The following CCDC50 variants were observed in gnomAD, a reference collection of about 807,000 sequenced individuals.
CCDC50 encodes the protein coiled-coil domain-containing protein 50.
In CCDC50, 54 loss-of-function variants were observed where a neutral mutation model predicts 70.2. The ratio of observed to expected loss-of-function variants is 0.77; its 90% CI spans 0.62 to 0.96. The LOEUF (loss-of-function observed/expected upper bound fraction) is 0.96, where lower values mean the gene tolerates loss of function less well. Among genes scored for constraint, CCDC50 ranks in the 50% least tolerant of loss-of-function variants. CCDC50 has a pLI of 0.00. For synonymous variants in CCDC50, 216 were observed against 198.8 expected (o/e 1.09, Z -0.73); for missense variants, 558 against 578.7 (o/e 0.96, Z 0.37).
chr3:191,378,175 A>G (rs1713183250), intron 6 of CCDC50, among the ~76,000 whole-genome samples: 1 of 152,094 alleles, frequency 6.6e-6, no homozygotes, highest in African/African-American at 2.4e-5. Context: ...TCAAGGGTTT[A>G]AATAAACCAT....
chr3:191,337,595 G>A lies in CCDC50; in HGVS notation c.49+7872G>A, dbSNP rs138988573. ...CCTGACCTCGTGATCCGCCCATCTC[G>A]GCCTCCCAAAGTGCTGGGATTACAA... On this transcript the variant is annotated intron_variant, in intron 1 of 11. Transcript: ENST00000392455. Among the ~76,000 whole-genome samples the A allele has an allele frequency of 1.4e-3, 215 of 151,854 alleles. 1 individual carries two copies. Among genetic ancestry groups the A allele is most frequent in the African/African-American group, 4.8e-3 (199 of 41,368 alleles).
Position 191,379,866 on chromosome 3 carries a change from T to G in CCDC50, c.977-293T>G, listed in dbSNP as rs368443351. On this transcript the variant is annotated intron_variant, in intron 6 of 11. Coordinates refer to ENST00000392455, the MANE Select transcript of CCDC50 (RefSeq NM_178335.3). ...TTTCACTTTGTATTTTTCCAGGGCC[T>G]CACTTGCAACTTCTTACATAAATTT... Among the ~76,000 whole-genome samples the G allele has an allele frequency of 1.5e-3, 232 of 152,250 alleles. 3 individuals carry two copies. The highest frequency in any genetic ancestry group is 5.4e-3 in the African/African-American group (224 of 41,564).
chr3:191,389,543 ATTT>A lies in CCDC50; in HGVS notation c.1372_1374del (p.Phe458del). 1 of 1,614,090 alleles carries A rather than the reference ATTT, an allele frequency of 6.2e-7. No homozygotes were observed. The highest frequency in any genetic ancestry group is 8.5e-7 in the Non-Finnish European group (1 of 1,179,984). On this transcript the variant is annotated inframe_deletion, in exon 11 of 12. Coordinates refer to ENST00000392455, the MANE Select transcript of CCDC50 (RefSeq NM_178335.3). The stretch of plus-strand genomic sequence containing the variant: ...GATGGTGAAGATGCGGATTACACTC[ATTT>A]TACAAACCAGCAGAGTTCCACACGG...
chr3:191,330,326 C>CACACACAG lies in CCDC50; in HGVS notation c.49+606_49+607insCACAGACA, dbSNP rs550009593. 2.8e-3 allele frequency: 411 copies of CACACACAG among 147,770 alleles called. 2 individuals are homozygous for CACACACAG. Among genetic ancestry groups the CACACACAG allele is most frequent in the East Asian group, 0.018 (89 of 4,968 alleles). The allele number at this position is 147,770 out of a possible 1,614,324, so 9.2% of individuals were successfully genotyped here. On this transcript the variant is annotated intron_variant, in intron 1 of 11. Transcript: ENST00000392455. ...ACACACACACACACACACACACACACACAATAGTGAGCGAGGGGAACAGGG... is the reference window on the plus strand; with the variant it reads ...ACACACACACACACACACACACACACACACACAGACAATAGTGAGCGAGGGGAACAGGG...
intron 1 of CCDC50, among the ~76,000 whole-genome samples, chr3:191,336,703 T>C (rs1711531036): frequency 1.3e-5 from 2 of 152,220 alleles, no homozygotes; most frequent in African/African-American, 4.8e-5. Context: ...CAGGAATCTG[T>C]AGTTTTTATA....
At chr3:191,340,797 T>G (rs1711694795) in intron 1 of CCDC50, among the ~76,000 whole-genome samples, 1 of 152,148 alleles carries the variant, frequency 6.6e-6, no homozygotes, top group Non-Finnish European at 1.5e-5. Flanking sequence ...AACTATTGAT[T>G]ATATTGTTAT....
At chr3:191,333,505 C>T (rs187995729) in intron 1 of CCDC50, among the ~76,000 whole-genome samples, 1 of 152,154 alleles carries the variant, frequency 6.6e-6, no homozygotes, top group South Asian at 2.1e-4. Flanking sequence ...ACGGCAAACC[C>T]ACTTTCCCTG....
At chr3:191,337,829 G>T (rs997695332) in intron 1 of CCDC50, among the ~76,000 whole-genome samples, 5 of 147,432 alleles carry the variant, frequency 3.4e-5, no homozygotes, top group East Asian at 2.0e-4. Context: ...GTTTCCTTAC[G>T]TTTTTTTTTT....
intron 5 of CCDC50, among the ~76,000 whole-genome samples, chr3:191,374,080 CGTT>C (rs1713005212): frequency 6.6e-6 from 1 of 151,972 alleles, no homozygotes; most frequent in African/African-American, 2.4e-5. Context: ...TGGGATTTTT[CGTT>C]GTTATTTCCA....
chr3:191,330,165 C>T (rs1444341737), intron 1 of CCDC50, among the ~76,000 whole-genome samples: 2 of 152,160 alleles, frequency 1.3e-5, no homozygotes, highest in Non-Finnish European at 2.9e-5. Context: ...TCTTTCCCTC[C>T]TTCTCTCCCT....
chr3:191,349,966 A>ATCCCCCCCC (rs1712048855), intron 1 of CCDC50, among the ~76,000 whole-genome samples: 1 of 105,622 alleles, frequency 9.5e-6, no homozygotes, highest in African/African-American at 3.1e-5. Context: ...ATTTAATAAT[A>ATCCCCCCCC]CCCCCCCCCT....
intron 10 of CCDC50, among the ~76,000 whole-genome samples, chr3:191,386,300 C>T (rs1713494892): frequency 6.8e-6 from 1 of 146,596 alleles, no homozygotes. Context: ...CCTGGGCTCA[C>T]TGCAACCTCT....
intron 1 of CCDC50, among the ~76,000 whole-genome samples, chr3:191,339,442 G>C (rs1176340487): frequency 6.6e-6 from 1 of 152,112 alleles, no homozygotes; most frequent in Non-Finnish European, 1.5e-5. Flanking sequence ...AAAGGATTTG[G>C]ACAGAATCTT....
At chr3:191,368,480 A>T (rs1357340437) in intron 4 of CCDC50, among the ~76,000 whole-genome samples, 1 of 152,054 alleles carries the variant, frequency 6.6e-6, no homozygotes, top group African/African-American at 2.4e-5. Flanking sequence ...GGCTATTTGG[A>T]TGAATAGTAA....
At chr3:191,384,352 A>T (rs138953822) in intron 10 of CCDC50, among the ~76,000 whole-genome samples, 95 of 152,316 alleles carry the variant, frequency 6.2e-4, no homozygotes, top group African/African-American at 2.2e-3. Context: ...TAAAGCTTAT[A>T]TATCTTGCAT....
intron 1 of CCDC50, among the ~76,000 whole-genome samples, chr3:191,336,511 C>A (rs1250333508): frequency 2.0e-5 from 3 of 151,882 alleles, no homozygotes; most frequent in South Asian, 2.1e-4. Context: ...ATTTTAAAAT[C>A]GACTATTTTC....
chr3:191,375,220 T>A lies in CCDC50; in HGVS notation c.607T>A (p.Ser203Thr). The A allele has an allele frequency of 6.2e-7, 1 of 1,613,726 alleles. No individual in the cohort carries two copies. Residue 203 changes from serine to threonine, a missense_variant, in exon 6 of 12, where the codon TCC (serine) becomes ACC (threonine). By Grantham distance (58) the Ser-to-Thr change is moderately conservative. Coordinates refer to ENST00000392455, the MANE Select transcript of CCDC50 (RefSeq NM_178335.3). ...AGAACAACATTGTTCATCGAAGAGATCCCTGTCATCCTCTAGCTCGGGCAA... is the reference window on the plus strand; with the variant it reads ...AGAACAACATTGTTCATCGAAGAGAACCCTGTCATCCTCTAGCTCGGGCAA... ...EPEQHCSSKR[S>T]LSSSSSGKGR...
intron 1 of CCDC50, among the ~76,000 whole-genome samples, chr3:191,338,715 A>G (rs995184064): frequency 6.6e-6 from 1 of 152,214 alleles, no homozygotes; most frequent in Non-Finnish European, 1.5e-5. Context: ...TCTTTGAAAG[A>G]TCATTTTACT....
chr3:191,331,736 A>G (rs920905535), intron 1 of CCDC50, among the ~76,000 whole-genome samples: 11 of 152,212 alleles, frequency 7.2e-5, no homozygotes, highest in African/African-American at 2.4e-4. Flanking sequence ...CAAGTCTAAT[A>G]AAGTGTATCC....
Sources: gnomAD v4.1 joint callset for allele counts (sites outside exome capture counted in the v4.1 genomes callset) on GRCh38, gnomAD v4.1.1 for gene constraint, MANE v1.5 for transcripts, NCBI Gene and HGNC (gene_info 2026-07-23, HGNC 2026-07-21) for gene names.